KIF24: variants seen among roughly 807,000 people sequenced by gnomAD.
KIF24 encodes kinesin family member 24.
KIF24 carries 81 observed loss-of-function variants against 118.9 expected under a neutral mutation model. The observed-to-expected ratio is 0.68, with a 90% CI of 0.57 to 0.82. The LOEUF (loss-of-function observed/expected upper bound fraction) is 0.82, where lower values mean the gene tolerates loss of function less well. KIF24 is among the 40% of genes least tolerant of loss of function. The probability of loss-of-function intolerance (pLI) is 0.00; values close to 1 mark genes in which losing one functional copy is unlikely to be tolerated. For missense variants in KIF24, 1,560 were observed against 1,661.6 expected (o/e 0.94, Z 1.06); for synonymous variants, 599 against 610.0 (o/e 0.98, Z 0.27).
intron 3 of KIF24, among the ~76,000 whole-genome samples, chr9:34,298,357 C>A (rs948908997): frequency 6.6e-6 from 1 of 151,950 alleles, no homozygotes; most frequent in African/African-American, 2.4e-5. Flanking sequence ...ACCAGCCTGG[C>A]CAACATGGTG....
intron 1 of KIF24, among the ~76,000 whole-genome samples, chr9:34,327,802 T>C (rs1469505483): frequency 6.6e-6 from 1 of 150,526 alleles, no homozygotes; most frequent in Non-Finnish European, 1.5e-5. Context: ...GCTAGTGCAC[T>C]ACAGCCTGGG....
intron 3 of KIF24, among the ~76,000 whole-genome samples, chr9:34,302,461 G>A (rs1038539611): frequency 2.3e-5 from 3 of 130,926 alleles, no homozygotes; most frequent in Non-Finnish European, 5.1e-5. Flanking sequence ...ATGTCACCAC[G>A]CTTGGCAATT....
At chr9:34,311,773 T>C (rs1837176660) in intron 1 of KIF24, among the ~76,000 whole-genome samples, 1 of 149,520 alleles carries the variant, frequency 6.7e-6, no homozygotes, top group African/African-American at 2.4e-5. Context: ...TATACATATA[T>C]ATACACATAT....
chr9:34,323,333 C>G (rs1281231853), intron 1 of KIF24, among the ~76,000 whole-genome samples: 1 of 152,036 alleles, frequency 6.6e-6, no homozygotes, highest in Non-Finnish European at 1.5e-5. Flanking sequence ...CCTCAAGAGC[C>G]CCACAAAGAG....
chr9:34,277,214 C>CT lies in KIF24; in HGVS notation c.1216-5285dup, dbSNP rs201117215. On this transcript the variant is annotated intron_variant, in intron 6 of 12. Transcript: ENST00000402558. Reference sequence around the variant, plus strand: ...TTAGAGTTTTAGATTTCTTACAGGTCTTTTTTTTTGTCATTTACAAATCCT... The same window carrying CT: ...TTAGAGTTTTAGATTTCTTACAGGTCTTTTTTTTTTGTCATTTACAAATCCT... Among the ~76,000 whole-genome samples the CT allele has an allele frequency of 4.6e-4, 70 of 151,186 alleles. 1 individual carries two copies. Among genetic ancestry groups the CT allele is most frequent in the East Asian group, 3.1e-3 (16 of 5,164 alleles).
At chr9:34,320,068 G>C (rs1837463942) in intron 1 of KIF24, among the ~76,000 whole-genome samples, 1 of 152,088 alleles carries the variant, frequency 6.6e-6, no homozygotes, top group South Asian at 2.1e-4. Context: ...CTCTATCCCA[G>C]TCTCTCCCAA....
chr9:34,326,211 G>T (rs1837667082), intron 1 of KIF24, among the ~76,000 whole-genome samples: 1 of 152,084 alleles, frequency 6.6e-6, no homozygotes, highest in Non-Finnish European at 1.5e-5. Flanking sequence ...AATTAGCTGG[G>T]CATGGTGGTA....
upstream of KIF24, among the ~76,000 whole-genome samples, chr9:34,331,065 TAGTC>T (rs1260697485): frequency 6.6e-6 from 1 of 152,124 alleles, no homozygotes; most frequent in Non-Finnish European, 1.5e-5. Flanking sequence ...TGCCCAAAAT[TAGTC>T]AGTTAAGGGA....
At chr9:34,276,261 G>C (rs917579678) in intron 6 of KIF24, among the ~76,000 whole-genome samples, 1 of 151,910 alleles carries the variant, frequency 6.6e-6, no homozygotes, top group African/African-American at 2.4e-5. Flanking sequence ...AATTAGCCAG[G>C]GATGGTGGTG....
chr9:34,294,423 T>G (rs760137436), intron 4 of KIF24, among the ~76,000 whole-genome samples: 3 of 151,916 alleles, frequency 2.0e-5, no homozygotes, highest in Admixed American at 1.3e-4. Flanking sequence ...GGGTGTGGGA[T>G]TACAATCCCA....
chr9:34,287,860 AAT>A (rs1300672730), intron 5 of KIF24, among the ~76,000 whole-genome samples: 1 of 151,558 alleles, frequency 6.6e-6, no homozygotes, highest in Non-Finnish European at 1.5e-5. Context: ...TGCGCCTGTG[AAT>A]AGTCACTATG....
At position 34,267,253 on chromosome 9, in the gene KIF24, T is replaced by A. The variant is rs927282638; in HGVS notation, c.1443+2004A>T. Among the ~76,000 whole-genome samples the A allele has an allele frequency of 1.6e-4, 25 of 151,902 alleles. 1 individual carries two copies. The highest frequency in any genetic ancestry group is 6.8e-3 in the Middle Eastern group (2 of 294). ...TGAATGGCATGTCCTTAACAGAGAC[T>A]AAGGGGAAAGAAAAGTAAAAATAAA... On this transcript the variant is annotated intron_variant, in intron 8 of 12. Transcript: ENST00000402558.
At chr9:34,311,765 T>TACATATATATACACATATATATAC (rs138563438) in intron 1 of KIF24, among the ~76,000 whole-genome samples, 33 of 145,122 alleles carry the variant, frequency 2.3e-4, no homozygotes, top group Admixed American at 5.6e-4. Context: ...TGTGTATATA[T>TACATATATATACACATATATATAC]ACATATATAT....
chr9:34,270,655 C>T (rs999943690), intron 7 of KIF24, among the ~76,000 whole-genome samples: 98 of 148,168 alleles, frequency 6.6e-4, no homozygotes, highest in African/African-American at 2.1e-3. Flanking sequence ...GATCTGGCTG[C>T]GACATCTGTC....
chr9:34,258,381 T>TTC (rs1342085600), intron 10 of KIF24, among the ~76,000 whole-genome samples: 1 of 152,040 alleles, frequency 6.6e-6, no homozygotes, highest in African/African-American at 2.4e-5. Context: ...AGGCGGGGAA[T>TTC]ATTGCTTGAG....
chr9:34,272,586 A>AC (rs1405478051), intron 6 of KIF24, among the ~76,000 whole-genome samples: 1 of 152,194 alleles, frequency 6.6e-6, no homozygotes, highest in Non-Finnish European at 1.5e-5. Flanking sequence ...CTTAGTTTGG[A>AC]CAGGGGTATG....
intron 4 of KIF24, among the ~76,000 whole-genome samples, chr9:34,292,216 C>T (rs1836278743): frequency 1.3e-5 from 2 of 152,170 alleles, no homozygotes; most frequent in South Asian, 4.1e-4. Flanking sequence ...TTTCTCCAAT[C>T]CCCAATATGA....
At chr9:34,264,609 C>A (rs939491469) in intron 8 of KIF24, among the ~76,000 whole-genome samples, 2 of 152,078 alleles carry the variant, frequency 1.3e-5, no homozygotes, top group African/African-American at 4.8e-5. Context: ...GAGGAAATTT[C>A]CTCTTTTATT....
At chr9:34,269,202 G>T in intron 8 of KIF24, 55 bp downstream of exon 8, 2 of 998,014 alleles carry the variant, frequency 2.0e-6, no homozygotes, top group South Asian at 1.4e-5. Context: ...CTGCCTGTAT[G>T]TAATGGGCAG....
Sources: gnomAD v4.1 joint callset for allele counts (sites outside exome capture counted in the v4.1 genomes callset) on GRCh38, gnomAD v4.1.1 for gene constraint, MANE v1.5 for transcripts, NCBI Gene and HGNC (gene_info 2026-07-23, HGNC 2026-07-21) for gene names.